The following LRRC4C variants were observed in gnomAD, a reference collection of about 807,000 sequenced individuals.
LRRC4C encodes leucine rich repeat containing 4C.
A neutral mutation model predicts 33.6 loss-of-function variants in LRRC4C; 5 were observed. The ratio of observed to expected loss-of-function variants is 0.15; its 90% CI spans 0.08 to 0.31. The LOEUF (loss-of-function observed/expected upper bound fraction) is 0.31. Ranked by LOEUF, LRRC4C falls within the 10% of genes least tolerant of loss-of-function variation. The pLI is 1.00. For missense variants in LRRC4C, 560 were observed against 796.7 expected (o/e 0.70, Z 3.58); for synonymous variants, 329 against 302.0 (o/e 1.09, Z -0.93).
chr11:41,218,763 ATTT>A (rs1184491274), intron 1 of LRRC4C, among the ~76,000 whole-genome samples: 1 of 108,896 alleles, frequency 9.2e-6, no homozygotes, highest in Non-Finnish European at 1.8e-5. Context: ...TGCATATGTC[ATTT>A]TTTTTTTTTT....
At chr11:41,430,399 T>A (rs1955191281) in intron 1 of LRRC4C, among the ~76,000 whole-genome samples, 1 of 152,080 alleles carries the variant, frequency 6.6e-6, no homozygotes, top group Admixed American at 6.6e-5. Flanking sequence ...TAATGGACTT[T>A]TCTAAGTTTT....
chr11:41,116,910 A>T lies in LRRC4C; in HGVS notation c.-495-183187T>A, dbSNP rs149322120. ...ATAAATTTTTATCCCACACACCCTC[A>T]CCACCTCACCATAGGCCATGCCCTT... On this transcript the variant is annotated intron_variant, in intron 1 of 6. Transcript: ENST00000528697. 1.3e-4 allele frequency among the ~76,000 whole-genome samples: 20 copies of T among 152,258 alleles called. No individual in the cohort carries two copies. In the East Asian group the frequency reaches 3.5e-3, roughly 26 times the overall value.
chr11:40,253,093 G>A (rs946393769), intron 4 of LRRC4C, among the ~76,000 whole-genome samples: 1 of 152,140 alleles, frequency 6.6e-6, no homozygotes, highest in Non-Finnish European at 1.5e-5. Flanking sequence ...ACAGATAATA[G>A]CAATCCCTAA....
intron 3 of LRRC4C, among the ~76,000 whole-genome samples, chr11:40,509,351 AT>A (rs1955191588): frequency 6.6e-6 from 1 of 152,156 alleles, no homozygotes; most frequent in Non-Finnish European, 1.5e-5. Context: ...TTAACAGTAA[AT>A]TTAAATGGTA....
chr11:41,039,503 A>C (rs1857292882), intron 1 of LRRC4C, among the ~76,000 whole-genome samples: 1 of 152,206 alleles, frequency 6.6e-6, no homozygotes, highest in African/African-American at 2.4e-5. Context: ...ATAAAGTATA[A>C]TATTTGGAAC....
intron 1 of LRRC4C, among the ~76,000 whole-genome samples, chr11:41,115,084 T>A (rs1195980150): frequency 6.6e-6 from 1 of 152,030 alleles, no homozygotes; most frequent in African/African-American, 2.4e-5. Context: ...TGCTTGAAAA[T>A]TTTTATAATA....
rs1009910143 is a variant in LRRC4C, at chr11:40,770,096, C to T, written c.-406-121818G>A. Among the ~76,000 whole-genome samples, 10 of 152,124 alleles carry T rather than the reference C, an allele frequency of 6.6e-5. No individual in the cohort carries two copies. In the East Asian group the frequency reaches 1.5e-3, roughly 23 times the overall value. On this transcript the variant is annotated intron_variant, in intron 2 of 6. Coordinates refer to ENST00000528697, the MANE Select transcript of LRRC4C (RefSeq NM_001258419.2). ...CACACAGAATGACAGAAAGCATTTG[C>T]AAACTATCAACATTAGTCTGTTCTC...
chr11:40,818,723 A>G (rs1025651170), intron 2 of LRRC4C, among the ~76,000 whole-genome samples: 3 of 152,100 alleles, frequency 2.0e-5, no homozygotes, highest in African/African-American at 7.2e-5. Context: ...CAAAAACCTT[A>G]CATATCATCA....
At chr11:41,128,959 T>C (rs551971417) in intron 1 of LRRC4C, among the ~76,000 whole-genome samples, 1 of 152,136 alleles carries the variant, frequency 6.6e-6, no homozygotes, top group Non-Finnish European at 1.5e-5. Flanking sequence ...ACTACAATAA[T>C]TAGAAAATGA....
chr11:40,952,680 C>T (rs1958749722), intron 1 of LRRC4C, among the ~76,000 whole-genome samples: 4 of 151,900 alleles, frequency 2.6e-5, no homozygotes. Flanking sequence ...GGAGAGACAT[C>T]CTTGCCCATG....
chr11:40,313,287 A>G (rs1945404734), intron 4 of LRRC4C, among the ~76,000 whole-genome samples: 1 of 152,046 alleles, frequency 6.6e-6, no homozygotes, highest in African/African-American at 2.4e-5. Flanking sequence ...TATCACTGTT[A>G]TAGATTAAGG....
At chr11:40,627,595 A>G (rs1266800664) in intron 3 of LRRC4C, among the ~76,000 whole-genome samples, 10 of 152,172 alleles carry the variant, frequency 6.6e-5, no homozygotes, top group Admixed American at 6.5e-4. Context: ...CTGCACTTTG[A>G]TACTAATGTC....
At chr11:41,365,307 A>G (rs1399880787) in intron 1 of LRRC4C, among the ~76,000 whole-genome samples, 1 of 151,824 alleles carries the variant, frequency 6.6e-6, no homozygotes, top group Non-Finnish European at 1.5e-5. Flanking sequence ...CAACACCCCC[A>G]GATGGGACCA....
chr11:41,205,297 T>G (rs181258214), intron 1 of LRRC4C, among the ~76,000 whole-genome samples: 1 of 152,292 alleles, frequency 6.6e-6, no homozygotes, highest in East Asian at 1.9e-4. Flanking sequence ...AGCAAGGCAA[T>G]AGCATGAGTC....
chr11:41,063,565 CTAGACATGAGTGTTTCAAA>C (rs1260860500), intron 1 of LRRC4C, among the ~76,000 whole-genome samples: 4 of 152,046 alleles, frequency 2.6e-5, no homozygotes, highest in Non-Finnish European at 2.9e-5. Flanking sequence ...TATTGAAGAA[CTAGACATGAGTGTTTCAAA>C]TAGAGGGGGC....
At chr11:41,097,685 T>C (rs894023489) in intron 1 of LRRC4C, among the ~76,000 whole-genome samples, 3 of 152,192 alleles carry the variant, frequency 2.0e-5, no homozygotes, top group African/African-American at 7.2e-5. Context: ...AGGAATAGTG[T>C]TTACTTCTCA....
intron 1 of LRRC4C, among the ~76,000 whole-genome samples, chr11:41,253,589 C>A (rs1417582395): frequency 6.6e-6 from 1 of 152,064 alleles, no homozygotes; most frequent in Non-Finnish European, 1.5e-5. Context: ...TGTCCCAGCT[C>A]CATGATGAAA....
At chr11:41,042,803 A>G (rs1857519320) in intron 1 of LRRC4C, among the ~76,000 whole-genome samples, 1 of 152,156 alleles carries the variant, frequency 6.6e-6, no homozygotes, top group South Asian at 2.1e-4. Flanking sequence ...ATCTTGCATT[A>G]AAAACCTCAG....
intron 1 of LRRC4C, among the ~76,000 whole-genome samples, chr11:41,351,043 A>C (rs1347302912): frequency 6.6e-6 from 1 of 152,148 alleles, no homozygotes; most frequent in Non-Finnish European, 1.5e-5. Context: ...CAGCCTGGGC[A>C]ACAGGACAAG....
Sources: gnomAD v4.1 joint callset for allele counts (sites outside exome capture counted in the v4.1 genomes callset) on GRCh38, gnomAD v4.1.1 for gene constraint, MANE v1.5 for transcripts, NCBI Gene and HGNC (gene_info 2026-07-23, HGNC 2026-07-21) for gene names.